The following TMTC2 variants were observed in gnomAD, a reference collection of about 807,000 sequenced individuals.
The protein encoded by TMTC2 is protein O-mannosyl-transferase TMTC2.
TMTC2 carries 43 observed loss-of-function variants against 82.4 expected under a neutral mutation model. The observed-to-expected ratio is 0.52, with a 90% confidence interval of 0.41 to 0.67. The LOEUF is 0.67. TMTC2 is among the 30% of genes least tolerant of loss of function. The pLI is 0.00. For synonymous variants in TMTC2, 408 were observed against 381.9 expected (o/e 1.07, Z -0.80); for missense variants, 919 against 1,012.4 (o/e 0.91, Z 1.25).
At chr12:83,024,227 A>C (rs1274020021) in intron 8 of TMTC2, among the ~76,000 whole-genome samples, 1 of 152,172 alleles carries the variant, frequency 6.6e-6, no homozygotes, top group Non-Finnish European at 1.5e-5. Context: ...GTAACACATA[A>C]ATATGTACAA....
intron 8 of TMTC2, among the ~76,000 whole-genome samples, chr12:83,005,425 G>C (rs1006606364): frequency 5.9e-5 from 9 of 151,990 alleles, no homozygotes; most frequent in African/African-American, 1.9e-4. Flanking sequence ...GTGCTCTGTG[G>C]TGGGGGAGAT....
chr12:82,896,149 A>G lies in TMTC2; in HGVS notation c.986A>G (p.Lys329Arg), dbSNP rs1202640397. ...GLLLLAYYGL[K>R]SPSVDRECNG... ...CTTCTCCTTGCCTACTATGGTTTGA[A>G]GAGCCCGAGCGTAGACAGAGAATGC... is the stretch of plus-strand genomic sequence containing the variant. The change falls in exon 3 of 12, where the codon AAG (lysine) becomes AGG (arginine). Residue 329 changes from lysine (K) to arginine (R), a missense_variant. By Grantham distance (26) the Lys-to-Arg change is conservative. Coordinates refer to ENST00000321196, the MANE Select transcript of TMTC2 (RefSeq NM_152588.3). 6.2e-7 allele frequency: 1 copy of G among 1,613,904 alleles called. No homozygotes were observed. Among genetic ancestry groups the G allele is most frequent in the African/African-American group, 1.3e-5 (1 of 74,876 alleles).
Position 82,963,792 on chromosome 12 carries a change from C to CACATATATAT in TMTC2, c.1599-1231_1599-1230insCATATATATA, listed in dbSNP as rs1213618232. Among the ~76,000 whole-genome samples, 14 of 53,020 alleles carry CACATATATAT rather than the reference C, an allele frequency of 2.6e-4. 5 individuals are homozygous for CACATATATAT. The highest frequency in any genetic ancestry group is 4.5e-4 in the Non-Finnish European group (10 of 21,992). 34.8% of individuals were successfully genotyped at this position (53,020 alleles called of 152,430 possible). ...TCAGATTAACTGTTGTCCAGATTTT[C>CACATATATAT]ATATATATATATATATATATATATA... On this transcript the variant is annotated intron_variant, in intron 4 of 11. Transcript: ENST00000321196.
intron 11 of TMTC2, among the ~76,000 whole-genome samples, chr12:83,092,299 A>G (rs1883871434): frequency 6.6e-6 from 1 of 152,092 alleles, no homozygotes; most frequent in South Asian, 2.1e-4. Flanking sequence ...TCCTCCTACC[A>G]TGTTGGCATC....
chr12:83,108,570 C>T (rs1405188603), intron 11 of TMTC2, among the ~76,000 whole-genome samples: 2 of 150,652 alleles, frequency 1.3e-5, no homozygotes, highest in African/African-American at 4.9e-5. Flanking sequence ...GTGGAGGTTG[C>T]AGTAAGCCAA....
intron 10 of TMTC2, among the ~76,000 whole-genome samples, chr12:83,055,067 C>CA (rs1678277709): frequency 6.6e-6 from 1 of 152,012 alleles, no homozygotes; most frequent in African/African-American, 2.4e-5. Flanking sequence ...GCAGCTTTTA[C>CA]AGTTCAGGAG....
intron 2 of TMTC2, among the ~76,000 whole-genome samples, chr12:82,864,639 C>T (rs12819653): frequency 6.6e-6 from 1 of 150,714 alleles, no homozygotes; most frequent in Admixed American, 6.6e-5. Context: ...GTAGCTGGGA[C>T]TACAGGCACA....
chr12:82,702,692 T>G (rs995813870), intron 1 of TMTC2, among the ~76,000 whole-genome samples: 1 of 152,124 alleles, frequency 6.6e-6, no homozygotes, highest in South Asian at 2.1e-4. Context: ...TTCAAGAGGC[T>G]AAGAGGGCAG....
intron 1 of TMTC2, among the ~76,000 whole-genome samples, chr12:82,852,581 A>C (rs886917269): frequency 2.0e-5 from 3 of 152,158 alleles, no homozygotes; most frequent in African/African-American, 7.2e-5. Flanking sequence ...CATTTCACGG[A>C]AGCAACCTCA....
chr12:82,768,766 G>A (rs561873260), intron 1 of TMTC2, among the ~76,000 whole-genome samples: 11 of 152,126 alleles, frequency 7.2e-5, no homozygotes, highest in South Asian at 4.2e-4. Flanking sequence ...TTGGGGTTCC[G>A]AGAGCCTATA....
intron 8 of TMTC2, among the ~76,000 whole-genome samples, chr12:83,014,322 C>T (rs577712462): frequency 6.6e-6 from 1 of 152,052 alleles, no homozygotes; most frequent in East Asian, 1.9e-4. Flanking sequence ...GCCACCACGC[C>T]CAGCTAATTT....
chr12:82,907,999 C>G (rs912518850), intron 3 of TMTC2, among the ~76,000 whole-genome samples: 2 of 152,050 alleles, frequency 1.3e-5, no homozygotes, highest in African/African-American at 4.8e-5. Flanking sequence ...GTAGTCCCAG[C>G]TACTCAGGAG....
Position 83,030,830 on chromosome 12 carries a change from G to A in TMTC2, c.2103G>A (p.Leu701=), listed in dbSNP as rs767516436. ...GRKSEAEKLF[L]KAIELDPTKG... is the part of the protein sequence containing the mutation. The stretch of plus-strand genomic sequence containing the variant: ...AGAGTGAGGCTGAAAAGCTCTTCTT[G>A]AAGGCTATTGAGCTGGATCCCACCA... The change falls in exon 9 of 12, where the codon TTG becomes TTA. Residue 701 remains leucine (L), a synonymous_variant. Transcript: ENST00000321196. 3.7e-6 allele frequency: 6 copies of A among 1,613,588 alleles called. No homozygotes were observed. The highest frequency in any genetic ancestry group is 1.6e-4 in the Middle Eastern group (1 of 6,082).
intron 1 of TMTC2, among the ~76,000 whole-genome samples, chr12:82,714,293 T>C (rs1427904250): frequency 6.6e-6 from 1 of 152,216 alleles, no homozygotes; most frequent in Non-Finnish European, 1.5e-5. Context: ...TTGAAACCGA[T>C]AAATTTTATA....
At chr12:82,739,147 T>A (rs1875268854) in intron 1 of TMTC2, among the ~76,000 whole-genome samples, 1 of 139,340 alleles carries the variant, frequency 7.2e-6, no homozygotes, top group African/African-American at 2.7e-5. Flanking sequence ...GACTCTGTCT[T>A]AAAAAAAAAA....
chr12:82,706,252 G>A (rs1438981256), intron 1 of TMTC2, among the ~76,000 whole-genome samples: 1 of 149,696 alleles, frequency 6.7e-6, no homozygotes, highest in Non-Finnish European at 1.5e-5. Flanking sequence ...GGGAGGCGGA[G>A]GTTGCAGTGA....
At chr12:82,805,467 C>G (rs1273556467) in intron 1 of TMTC2, among the ~76,000 whole-genome samples, 1 of 150,556 alleles carries the variant, frequency 6.6e-6, no homozygotes, top group East Asian at 1.9e-4. Flanking sequence ...ACTTTTTACA[C>G]CCCTTAGTAA....
intron 4 of TMTC2, among the ~76,000 whole-genome samples, chr12:82,932,496 T>C (rs1177840383): frequency 1.3e-5 from 2 of 152,196 alleles, no homozygotes; most frequent in African/African-American, 4.8e-5. Flanking sequence ...TTTTCTTTTC[T>C]TGAATGAAAA....
chr12:82,691,952 A>T (rs2136883870), intron 1 of TMTC2, among the ~76,000 whole-genome samples: 1 of 152,282 alleles, frequency 6.6e-6, no homozygotes, highest in Non-Finnish European at 1.5e-5. Flanking sequence ...TTTATAAATT[A>T]TTTTAGGTGG....
Sources: allele counts gnomAD v4.1 joint callset (sites outside exome capture counted in the v4.1 genomes callset), GRCh38; gene constraint gnomAD v4.1.1; transcripts MANE v1.5; gene names NCBI Gene and HGNC (gene_info 2026-07-23, HGNC 2026-07-21).